Variants in TRAK1 observed in about 807,000 individuals in gnomAD.
TRAK1 encodes trafficking kinesin-binding protein 1.
Under a neutral mutation model 92.1 loss-of-function variants are expected in TRAK1, and 33 were observed. That is an observed-to-expected ratio of 0.36 (90% CI 0.27 to 0.48). The LOEUF (loss-of-function observed/expected upper bound fraction) is 0.48, where lower values mean the gene tolerates loss of function less well. TRAK1 is among the 20% of genes least tolerant of loss of function. The pLI is 0.99. For missense variants in TRAK1, 1,123 were observed against 1,257.9 expected, an observed-to-expected ratio of 0.89 and a Z score of 1.62; for synonymous variants, 521 against 517.3, an observed-to-expected ratio of 1.01 and a Z score of -0.10.
chr3:42,027,456 G>A (rs1196619644), intron 1 of TRAK1, among the ~76,000 whole-genome samples: 2 of 151,850 alleles, frequency 1.3e-5, no homozygotes, highest in African/African-American at 4.8e-5. Context: ...CCGGGAGGTG[G>A]AGCTTGCAGT....
chr3:42,044,200 G>A (rs1351885332), intron 1 of TRAK1, among the ~76,000 whole-genome samples: 2 of 151,910 alleles, frequency 1.3e-5, no homozygotes, highest in East Asian at 1.9e-4. Context: ...TTGCTCTGTC[G>A]CCCAGGCTGG....
upstream of TRAK1, chr3:42,091,241 T>G: frequency 3.9e-6 from 2 of 509,230 alleles, no homozygotes; most frequent in Non-Finnish European, 3.4e-6. Context: ...TCATTTTCTG[T>G]TTGGGGTGGC....
intron 1 of TRAK1, among the ~76,000 whole-genome samples, chr3:42,030,750 T>G (rs1702110602): frequency 5.2e-5 from 7 of 134,996 alleles, no homozygotes; most frequent in South Asian, 2.3e-4. Flanking sequence ...ATGTAACTTG[T>G]TGGTCAGGCA....
At chr3:42,067,297 A>G (rs1339838248) in intron 1 of TRAK1, among the ~76,000 whole-genome samples, 1 of 152,202 alleles carries the variant, frequency 6.6e-6, no homozygotes, top group Non-Finnish European at 1.5e-5. Context: ...AAAATTAGGT[A>G]TTTAAGGACT....
chr3:42,093,602 C>G (rs1209380992), intron 1 of TRAK1, among the ~76,000 whole-genome samples: 1 of 148,672 alleles, frequency 6.7e-6, no homozygotes, highest in Non-Finnish European at 1.5e-5. Context: ...ATTTTTTTCT[C>G]TCCTGTCCTC....
chr3:42,177,042 A>G, intron 3 of TRAK1, 152 bp downstream of exon 3: 2 of 672,662 alleles, frequency 3.0e-6, no homozygotes, highest in Non-Finnish European at 5.1e-6. Flanking sequence ...TTTTTGAACT[A>G]GTAGCTATGT....
At chr3:42,192,103 T>C (rs1349252469) in intron 7 of TRAK1, among the ~76,000 whole-genome samples, 27 of 152,104 alleles carry the variant, frequency 1.8e-4, no homozygotes, top group Admixed American at 1.8e-3. Context: ...GGTTTCACCA[T>C]GTTGGCCAGG....
intron 1 of TRAK1, among the ~76,000 whole-genome samples, chr3:42,080,950 C>G (rs956740435): frequency 6.6e-6 from 1 of 152,144 alleles, no homozygotes; most frequent in Non-Finnish European, 1.5e-5. Context: ...TCATGGCTCT[C>G]TACAGCCTCA....
At chr3:42,060,846 G>A (rs1039243427) in intron 1 of TRAK1, among the ~76,000 whole-genome samples, 7 of 151,990 alleles carry the variant, frequency 4.6e-5, no homozygotes, top group Non-Finnish European at 1.0e-4. Flanking sequence ...GGCCAGGCTG[G>A]TCTCGAACTC....
chr3:42,085,729 G>A (rs1704640632), upstream of TRAK1, among the ~76,000 whole-genome samples: 1 of 152,058 alleles, frequency 6.6e-6, no homozygotes, highest in South Asian at 2.1e-4. Flanking sequence ...CACTTTTTTT[G>A]TGGGTGTGGT....
intron 1 of TRAK1, among the ~76,000 whole-genome samples, chr3:42,030,794 G>A (rs560404349): frequency 5.1e-4 from 75 of 146,408 alleles, no homozygotes; most frequent in African/African-American, 1.8e-3. Context: ...AAGTTTTCCC[G>A]GTATTTGAGA....
At chr3:42,077,646 A>G (rs746723306) in intron 1 of TRAK1, among the ~76,000 whole-genome samples, 6 of 152,014 alleles carry the variant, frequency 3.9e-5, no homozygotes, top group Non-Finnish European at 8.8e-5. Context: ...CATAATTCTC[A>G]TTGTAGAGAT....
chr3:42,054,726 AC>A, intron 1 of TRAK1, among the ~76,000 whole-genome samples: 1 of 152,152 alleles, frequency 6.6e-6, no homozygotes, highest in South Asian at 2.1e-4. Flanking sequence ...AGTGGAAATA[AC>A]TTTTTTATTC....
chr3:42,014,362 C>T (rs529915896), intron 1 of TRAK1, among the ~76,000 whole-genome samples: 4 of 152,296 alleles, frequency 2.6e-5, no homozygotes, highest in African/African-American at 9.6e-5. Context: ...CGCTCCGGCA[C>T]TCCGAGGTGA....
intron 10 of TRAK1, 118 bp from the exon 11 acceptor site, chr3:42,199,059 C>A: frequency 1.0e-6 from 1 of 955,422 alleles, no homozygotes; most frequent in Non-Finnish European, 1.6e-6. Flanking sequence ...TGTGGGAAGA[C>A]CGTGAGCTTC....
At chr3:42,166,932 C>A (rs1042655264) in intron 2 of TRAK1, among the ~76,000 whole-genome samples, 1 of 152,210 alleles carries the variant, frequency 6.6e-6, no homozygotes, top group African/African-American at 2.4e-5. Flanking sequence ...TCTCTGCCCC[C>A]ACTACTGTTC....
rs1707886019 is a variant in TRAK1, at chr3:42,203,154, A to G, written c.1744+402A>G. ...AAAATTAATGCTTTAGCTTTTCTGC[A>G]GTTTTGGTGTCGGGGAGAGGTTCCA... is the stretch of plus-strand genomic sequence containing the variant. On this transcript the variant is annotated intron_variant, in intron 13 of 15. Transcript: ENST00000327628. 4 of 1,203,196 alleles carry G rather than the reference A, an allele frequency of 3.3e-6. No homozygotes were observed. The South Asian group carries it at 1.3e-4, about 39-fold the overall frequency. 74.5% of individuals were successfully genotyped at this position (1,203,196 alleles called of 1,614,324 possible).
rs537516137 is a variant in TRAK1 at position 42,109,045 on chromosome 3, C to T, written c.92-16375C>T. Among the ~76,000 whole-genome samples, 194 of 152,170 alleles carry T rather than the reference C, an allele frequency of 1.3e-3. 1 individual carries two copies. The highest frequency in any genetic ancestry group is 4.0e-3 in the African/African-American group (166 of 41,500). ...GAGTGGTGGTTAGGATTTTGACCTC[C>T]GAGTTCAGGCTCTGTTAGAAAACCG... is the stretch of plus-strand genomic sequence containing the variant. On this transcript the variant is annotated intron_variant, in intron 1 of 15. Transcript: ENST00000327628.
chr3:42,122,038 G>T (rs552848381), intron 1 of TRAK1, among the ~76,000 whole-genome samples: 2 of 151,718 alleles, frequency 1.3e-5, no homozygotes, highest in African/African-American at 4.8e-5. Context: ...GTCAGGTCTC[G>T]AATTCCTGAC....
Sources: gnomAD v4.1 joint callset for allele counts (sites outside exome capture counted in the v4.1 genomes callset) on GRCh38, gnomAD v4.1.1 for gene constraint, MANE v1.5 for transcripts, NCBI Gene and HGNC (gene_info 2026-07-23, HGNC 2026-07-21) for gene names.